The following NXPE2 variants were observed in gnomAD, a reference collection of about 807,000 sequenced individuals.
The protein encoded by NXPE2 is NXPE family member 2.
A neutral mutation model predicts 34.4 loss-of-function variants in NXPE2; 34 were observed. The observed-to-expected ratio is 0.99, with a 90% CI of 0.75 to 1.31. The LOEUF (loss-of-function observed/expected upper bound fraction) is 1.31. Ranked by LOEUF, NXPE2 falls within the 40% of genes most tolerant of loss-of-function variation. NXPE2 has a pLI of 0.00. For synonymous variants in NXPE2, 235 were observed against 231.3 expected, an observed-to-expected ratio of 1.02 and a Z score of -0.15; for missense variants, 649 against 672.5, an observed-to-expected ratio of 0.97 and a Z score of 0.39.
At chr11:114,545,484 G>T in the NXPE2 span, among the ~76,000 whole-genome samples, 3 of 152,158 alleles carry the variant, frequency 2.0e-5, no homozygotes, top group Non-Finnish European at 4.4e-5. Flanking sequence ...TGCACTGTAT[G>T]ACTGCATTAC....
intron 2 of NXPE2, among the ~76,000 whole-genome samples, chr11:114,690,303 C>G (rs1422496855): frequency 6.6e-6 from 1 of 152,142 alleles, no homozygotes; most frequent in African/African-American, 2.4e-5. Flanking sequence ...GTGATTAATT[C>G]CCTTAGCAAA....
the NXPE2 span, among the ~76,000 whole-genome samples, chr11:114,569,157 A>G: frequency 1.0e-3 from 159 of 152,246 alleles, no homozygotes; most frequent in African/African-American, 3.6e-3. Context: ...CATTCTTACT[A>G]TTGGGTCAGG....
At chr11:114,470,231 A>G in the NXPE2 span, among the ~76,000 whole-genome samples, 7 of 152,146 alleles carry the variant, frequency 4.6e-5, no homozygotes, top group South Asian at 6.2e-4. Flanking sequence ...TGGCTGGGTT[A>G]TATGGTGAGT....
At chr11:114,781,449 C>T in the NXPE2 span, among the ~76,000 whole-genome samples, 1 of 152,270 alleles carries the variant, frequency 6.6e-6, no homozygotes, top group African/African-American at 2.4e-5. Flanking sequence ...GGGATTTAGA[C>T]AGGGATGGGA....
At chr11:114,541,899 A>G in the NXPE2 span, among the ~76,000 whole-genome samples, 1 of 151,878 alleles carries the variant, frequency 6.6e-6, no homozygotes, top group Non-Finnish European at 1.5e-5. Flanking sequence ...CTCAATGTTT[A>G]TCTGTTAGAT....
At chr11:114,702,013 T>C (rs1013813698) in intron 3 of NXPE2, among the ~76,000 whole-genome samples, 1 of 152,208 alleles carries the variant, frequency 6.6e-6, no homozygotes, top group Non-Finnish European at 1.5e-5. Context: ...TTTTCCCACC[T>C]GGGTTCTCTC....
At chr11:114,515,921 G>A in the NXPE2 span, among the ~76,000 whole-genome samples, 1 of 152,196 alleles carries the variant, frequency 6.6e-6, no homozygotes, top group African/African-American at 2.4e-5. Flanking sequence ...CTAATGGAAG[G>A]GTTTTGGGAA....
At chr11:114,470,172 G>T in the NXPE2 span, among the ~76,000 whole-genome samples, 1 of 152,080 alleles carries the variant, frequency 6.6e-6, no homozygotes, top group Non-Finnish European at 1.5e-5. Context: ...ACAAGTCTTT[G>T]TATGGACATA....
the NXPE2 span, among the ~76,000 whole-genome samples, chr11:114,492,354 C>G: frequency 2.0e-5 from 3 of 151,930 alleles, no homozygotes; most frequent in African/African-American, 4.8e-5. Context: ...CAGAAAGATA[C>G]TTGATATAAT....
the NXPE2 span, among the ~76,000 whole-genome samples, chr11:114,654,421 C>T: frequency 6.6e-6 from 1 of 152,098 alleles, no homozygotes; most frequent in South Asian, 2.1e-4. Flanking sequence ...TATATGTGTG[C>T]CATGGTGGTT....
the NXPE2 span, among the ~76,000 whole-genome samples, chr11:114,574,433 A>T: frequency 6.6e-6 from 1 of 152,142 alleles, no homozygotes; most frequent in African/African-American, 2.4e-5. Flanking sequence ...CTTTGAAAAG[A>T]TAAATAAAAT....
the NXPE2 span, among the ~76,000 whole-genome samples, chr11:114,609,470 G>C: frequency 6.6e-6 from 1 of 151,846 alleles, no homozygotes; most frequent in Non-Finnish European, 1.5e-5. Context: ...TGGATAATAA[G>C]TGTTGCCTCT....
chr11:114,718,547 ATTT>A, the NXPE2 span, among the ~76,000 whole-genome samples: 2 of 152,164 alleles, frequency 1.3e-5, no homozygotes, highest in Non-Finnish European at 2.9e-5. Context: ...GCAACTAAAT[ATTT>A]ACATTCTTTT....
chr11:114,787,579 G>C, the NXPE2 span, among the ~76,000 whole-genome samples: 3 of 152,162 alleles, frequency 2.0e-5, no homozygotes, highest in Non-Finnish European at 4.4e-5. Context: ...GAGAGTGCAG[G>C]CACCCTGCTG....
At chr11:114,662,326 C>G in the NXPE2 span, among the ~76,000 whole-genome samples, 3 of 152,128 alleles carry the variant, frequency 2.0e-5, no homozygotes, top group African/African-American at 7.2e-5. Flanking sequence ...CTGATGCCCA[C>G]CCACAGATAG....
At chr11:114,639,735 AAAATAAT>A in the NXPE2 span, among the ~76,000 whole-genome samples, 11 of 102,382 alleles carry the variant, frequency 1.1e-4, no homozygotes, top group South Asian at 3.3e-4. Context: ...AATATAATAT[AAAATAAT>A]ATATAATATA....
At chr11:114,732,260 T>C in the NXPE2 span, among the ~76,000 whole-genome samples, 1 of 152,222 alleles carries the variant, frequency 6.6e-6, no homozygotes, top group Admixed American at 6.5e-5. Context: ...TTGCAACAAA[T>C]AATCTGCTCT....
At chr11:114,779,874 G>A in the NXPE2 span, among the ~76,000 whole-genome samples, 7 of 152,124 alleles carry the variant, frequency 4.6e-5, no homozygotes, top group South Asian at 8.3e-4. Context: ...TTCCCTCGAG[G>A]TGAGTGACGA....
the NXPE2 span, among the ~76,000 whole-genome samples, chr11:114,494,686 C>T: frequency 5.9e-5 from 9 of 152,272 alleles, no homozygotes; most frequent in African/African-American, 2.2e-4. Context: ...ATCTCTTCCT[C>T]TCTGGGATTT....
Sources: gnomAD v4.1 joint callset for allele counts (sites outside exome capture counted in the v4.1 genomes callset) on GRCh38, gnomAD v4.1.1 for gene constraint, MANE v1.5 for transcripts, NCBI Gene and HGNC (gene_info 2026-07-23, HGNC 2026-07-21) for gene names.